Variants in PTPRN2 observed in about 807,000 individuals in gnomAD.
The protein encoded by PTPRN2 is receptor-type tyrosine-protein phosphatase N2.
A neutral mutation model predicts 118.8 loss-of-function variants in PTPRN2; 74 were observed. The ratio of observed to expected loss-of-function variants is 0.62; its 90% CI spans 0.52 to 0.76. The LOEUF (loss-of-function observed/expected upper bound fraction) is 0.76. Among genes scored for constraint, PTPRN2 ranks in the 30% least tolerant of loss-of-function variants. The probability of loss-of-function intolerance (pLI) is 0.00; values close to 1 mark genes in which losing one functional copy is unlikely to be tolerated. For synonymous variants in PTPRN2, 641 were observed against 608.0 expected, an observed-to-expected ratio of 1.05 and a Z score of -0.80; for missense variants, 1,481 against 1,394.4, an observed-to-expected ratio of 1.06 and a Z score of -0.99.
At chr7:157,635,448 T>A (rs921452151) in intron 14 of PTPRN2, among the ~76,000 whole-genome samples, 5 of 152,278 alleles carry the variant, frequency 3.3e-5, no homozygotes, top group Non-Finnish European at 7.3e-5. Context: ...AGTGCTGCCA[T>A]GAAGGCGTTT....
intron 3 of PTPRN2, among the ~76,000 whole-genome samples, chr7:158,303,819 T>C (rs2151053886): frequency 6.6e-6 from 1 of 152,374 alleles, no homozygotes; most frequent in South Asian, 2.1e-4. Context: ...TATTTTAATA[T>C]AACGTCAGGG....
chr7:157,725,781 G>T (rs1799550547), intron 12 of PTPRN2, among the ~76,000 whole-genome samples: 1 of 108,964 alleles, frequency 9.2e-6, no homozygotes, highest in Non-Finnish European at 1.8e-5. Context: ...ACTGCGGCCA[G>T]ACCCTCACCT....
intron 11 of PTPRN2, among the ~76,000 whole-genome samples, chr7:157,934,921 G>A (rs1799610396): frequency 6.6e-6 from 1 of 152,194 alleles, no homozygotes; most frequent in East Asian, 1.9e-4. Context: ...TGTTTTTGCT[G>A]GAGATAGAAC....
At chr7:158,180,070 C>A (rs567202934) in intron 5 of PTPRN2, among the ~76,000 whole-genome samples, 8 of 152,242 alleles carry the variant, frequency 5.3e-5, no homozygotes, top group Non-Finnish European at 1.2e-4. Context: ...AGGTTGCTTT[C>A]TTTTATCTCC....
intron 17 of PTPRN2, among the ~76,000 whole-genome samples, chr7:157,588,192 G>A (rs1483739146): frequency 6.6e-6 from 1 of 152,228 alleles, no homozygotes; most frequent in Non-Finnish European, 1.5e-5. Context: ...CCAGTGTTTG[G>A]TGGTGACACA....
chr7:158,057,570 G>A (rs2128903282), intron 11 of PTPRN2, among the ~76,000 whole-genome samples: 1 of 152,320 alleles, frequency 6.6e-6, no homozygotes, highest in South Asian at 2.1e-4. Flanking sequence ...TAACGCTGTG[G>A]CACTGTGGCC....
intron 7 of PTPRN2, among the ~76,000 whole-genome samples, chr7:158,137,033 A>G (rs1818889535): frequency 6.6e-6 from 1 of 152,192 alleles, no homozygotes; most frequent in African/African-American, 2.4e-5. Flanking sequence ...TGAAAAAGCA[A>G]AGTGAAGCCT....
chr7:157,995,332 G>A (rs145017753), intron 11 of PTPRN2, among the ~76,000 whole-genome samples: 67 of 149,092 alleles, frequency 4.5e-4, no homozygotes, highest in African/African-American at 1.4e-3. Context: ...TCAATGCCAC[G>A]TCCCCAGCTT....
intron 2 of PTPRN2, among the ~76,000 whole-genome samples, chr7:158,359,648 C>T (rs925542327): frequency 2.0e-5 from 3 of 152,138 alleles, no homozygotes; most frequent in Admixed American, 6.5e-5. Flanking sequence ...ATTACTGCAC[C>T]GTGACCATGG....
chr7:157,899,057 G>A (rs762037867), intron 11 of PTPRN2, among the ~76,000 whole-genome samples: 3 of 152,166 alleles, frequency 2.0e-5, no homozygotes, highest in Non-Finnish European at 4.4e-5. Context: ...AAACTGCAAC[G>A]TCTTATTTTA....
chr7:157,798,008 C>T (rs142306920), intron 12 of PTPRN2, among the ~76,000 whole-genome samples: 66 of 152,258 alleles, frequency 4.3e-4, no homozygotes, highest in African/African-American at 1.6e-3. Context: ...CCTGTAATCC[C>T]GGCACTTTGG....
At position 158,093,452 on chromosome 7, in the gene PTPRN2, T is replaced by C. The variant is rs987067698; in HGVS notation, c.1644-12075A>G. ...ACTGTTTGTGCTTTTACTCCCTGAA[T>C]TGTTCCTGATGATAACTTGCCTCCT... On this transcript the variant is annotated intron_variant, in intron 10 of 22. Transcript: ENST00000389418. This position sits in a 1 kb window ranked among gnomAD's most constrained non-coding sequence, Gnocchi z 4.4. 3.3e-5 allele frequency among the ~76,000 whole-genome samples: 5 copies of C among 152,230 alleles called. No homozygotes were observed. The highest frequency in any genetic ancestry group is 9.7e-5 in the African/African-American group (4 of 41,446).
intron 12 of PTPRN2, among the ~76,000 whole-genome samples, chr7:157,687,044 T>A (rs776056232): frequency 6.6e-6 from 1 of 152,194 alleles, no homozygotes; most frequent in Non-Finnish European, 1.5e-5. Context: ...AAAGTTGTGA[T>A]TCAAAATAAG....
chr7:158,517,897 T>TC lies in PTPRN2; in HGVS notation c.113-28113dup, dbSNP rs1000671796. On this transcript the variant is annotated intron_variant, in intron 1 of 22. Transcript: ENST00000389418. The surrounding 1 kb of genome is among the most constrained non-coding windows in gnomAD (Gnocchi z 5.3). ...CATGCCACTGCAGAAAAACCTTCCC[T>TC]CCCCCCCAGTCTGACTAGAGTCCAC... 4.0e-5 allele frequency among the ~76,000 whole-genome samples: 6 copies of TC among 151,500 alleles called. No homozygotes were observed. Among genetic ancestry groups the TC allele is most frequent in the Admixed American group, 2.6e-4 (4 of 15,198 alleles).
At chr7:157,561,158 G>A (rs968874066) in intron 21 of PTPRN2, among the ~76,000 whole-genome samples, 1 of 151,994 alleles carries the variant, frequency 6.6e-6, no homozygotes, top group African/African-American at 2.4e-5. Flanking sequence ...GTCCTGTACT[G>A]CCCGGCCAGT....
rs1802745517 is a variant in PTPRN2 at position 157,615,951 on chromosome 7, G to A, written c.2344+5411C>T. On this transcript the variant is annotated intron_variant, in intron 15 of 22. Coordinates refer to ENST00000389418, the MANE Select transcript of PTPRN2 (RefSeq NM_002847.5). This position sits in a 1 kb window ranked among gnomAD's most constrained non-coding sequence, Gnocchi z 4.3. ...CCTGGCAGGATGAACGTAACTTCTG[G>A]TGGATAAAGTGGGAGGCCTGATCCA... The A allele has an allele frequency of 7.7e-6, 2 of 259,236 alleles. No individual in the cohort carries two copies. Among genetic ancestry groups the A allele is most frequent in the Admixed American group, 5.1e-5 (1 of 19,674 alleles). The allele number at this position is 259,236 out of a possible 1,614,324, so 16.1% of individuals were successfully genotyped here.
intron 12 of PTPRN2, among the ~76,000 whole-genome samples, chr7:157,788,315 C>A (rs1204812664): frequency 7.0e-6 from 1 of 143,672 alleles, no homozygotes; most frequent in Non-Finnish European, 1.5e-5. Flanking sequence ...GCGGAGGTTG[C>A]AGTGAGCTGA....
chr7:157,562,053 C>T (rs1056301703), intron 21 of PTPRN2, among the ~76,000 whole-genome samples: 174 of 152,260 alleles, frequency 1.1e-3, no homozygotes, highest in African/African-American at 4.0e-3. Flanking sequence ...GGGAAGGGTG[C>T]GCCCCCCACG....
intron 11 of PTPRN2, among the ~76,000 whole-genome samples, chr7:157,918,188 G>A (rs1798515312): frequency 1.3e-5 from 2 of 152,182 alleles, no homozygotes; most frequent in African/African-American, 4.8e-5. Context: ...GCTGAACCAG[G>A]CCTTCACCTC....
Sources: allele counts gnomAD v4.1 joint callset (sites outside exome capture counted in the v4.1 genomes callset), GRCh38; gene constraint gnomAD v4.1.1; non-coding constraint Gnocchi (gnomAD v3.1); transcripts MANE v1.5; gene names NCBI Gene and HGNC (gene_info 2026-07-23, HGNC 2026-07-21).